The following GMDS variants were observed in gnomAD, a reference collection of about 807,000 sequenced individuals.
The protein encoded by GMDS is GDP-mannose 4,6-dehydratase.
GMDS carries 20 observed loss-of-function variants against 49.9 expected under a neutral mutation model. The observed-to-expected ratio is 0.40, with a 90% CI of 0.28 to 0.58. GMDS has a LOEUF of 0.58. Ranked by LOEUF, GMDS falls within the 20% of genes least tolerant of loss-of-function variation. GMDS has a pLI of 0.42. For synonymous variants in GMDS, 177 were observed against 178.6 expected (o/e 0.99, Z 0.07); for missense variants, 362 against 481.4 (o/e 0.75, Z 2.32).
chr6:1,756,408 C>T (rs12528812), intron 7 of GMDS, among the ~76,000 whole-genome samples: 49,757 of 151,784 alleles, frequency 0.33, 9,595 homozygotes, highest in Non-Finnish European at 0.45. Flanking sequence ...GAATTACAGG[C>T]ACCTACCACC....
chr6:1,802,418 G>A (rs1769988243), intron 7 of GMDS, among the ~76,000 whole-genome samples: 1 of 152,220 alleles, frequency 6.6e-6, no homozygotes. Flanking sequence ...AAGGCAGGAA[G>A]TATATTTAAA....
intron 1 of GMDS, among the ~76,000 whole-genome samples, chr6:2,186,914 T>TA (rs1491313311): frequency 3.3e-5 from 5 of 152,268 alleles, no homozygotes; most frequent in African/African-American, 7.2e-5. Context: ...GGATAAGCTT[T>TA]ATACTTTCGA....
chr6:2,047,422 A>C (rs1190246366), intron 4 of GMDS, among the ~76,000 whole-genome samples: 1 of 152,244 alleles, frequency 6.6e-6, no homozygotes, highest in African/African-American at 2.4e-5. Flanking sequence ...TTAGTACGGA[A>C]TTCCTCCTGA....
chr6:1,887,450 G>C (rs921811853), intron 7 of GMDS, among the ~76,000 whole-genome samples: 1 of 149,908 alleles, frequency 6.7e-6, no homozygotes, highest in Non-Finnish European at 1.5e-5. Flanking sequence ...ATTTATGTTC[G>C]GCTACCTCCA....
chr6:2,014,502 A>G (rs530637687), intron 4 of GMDS, among the ~76,000 whole-genome samples: 1 of 152,178 alleles, frequency 6.6e-6, no homozygotes, highest in Admixed American at 6.5e-5. Flanking sequence ...CCGTTATTTA[A>G]AAGTGAATTT....
intron 4 of GMDS, among the ~76,000 whole-genome samples, chr6:2,058,338 C>CAAAA (rs11390421): frequency 2.2e-5 from 2 of 90,312 alleles, no homozygotes; most frequent in South Asian, 3.7e-4. Context: ...GAGTAAGACT[C>CAAAA]AAAAAAAAAA....
rs1200825379 is a variant in GMDS at position 1,736,186 on chromosome 6, CAA to C, written c.890+6280_890+6281del. ...TTAGATCTTGCAGGTGCCAATAATT[CAA>C]AAGTCTGTTGCTCCAACAAAGGCAC... is the stretch of plus-strand genomic sequence containing the variant. On this transcript the variant is annotated intron_variant, in intron 8 of 10. Coordinates refer to ENST00000380815, the MANE Select transcript of GMDS (RefSeq NM_001500.4). Among the ~76,000 whole-genome samples, 5 of 152,122 alleles carry C rather than the reference CAA, an allele frequency of 3.3e-5. No homozygotes were observed. The East Asian group carries it at 7.7e-4, about 23-fold the overall frequency.
At chr6:2,128,176 C>CTT (rs142248059) in intron 1 of GMDS, among the ~76,000 whole-genome samples, 7 of 139,802 alleles carry the variant, frequency 5.0e-5, no homozygotes, top group Non-Finnish European at 7.9e-5. Context: ...AAATATTTTC[C>CTT]TTTTTTTTTT....
At chr6:1,666,378 T>G (rs1764240317) in intron 9 of GMDS, among the ~76,000 whole-genome samples, 1 of 152,142 alleles carries the variant, frequency 6.6e-6, no homozygotes, top group African/African-American at 2.4e-5. Flanking sequence ...ATATTTCTTA[T>G]TTATGGAGGA....
At position 1,759,479 on chromosome 6, in the gene GMDS, A is replaced by G. The variant is rs1033538591; in HGVS notation, c.772-16893T>C. 4.6e-5 allele frequency among the ~76,000 whole-genome samples: 7 copies of G among 152,148 alleles called. No homozygotes were observed. The East Asian group carries it at 1.4e-3, about 29-fold the overall frequency. On this transcript the variant is annotated intron_variant, in intron 7 of 10. Transcript: ENST00000380815. ...CTCCTAATGGCTGTGTGTAGAATAC[A>G]TTTTCTTGTTGAAACTCAATTCTAC...
Position 2,079,019 on chromosome 6 carries a change from C to CTTTTTTTTT in GMDS, c.345+36743_345+36751dup, listed in dbSNP as rs386405902. On this transcript the variant is annotated intron_variant, in intron 4 of 10. Transcript: ENST00000380815. Reference sequence around the variant, plus strand: ...CTTTGTCATTGCATAATGACCTTGTCTTTTTTTTTTTTTTTTTTTTTTTTT... The same window carrying CTTTTTTTTT: ...CTTTGTCATTGCATAATGACCTTGTCTTTTTTTTTTTTTTTTTTTTTTTTTTTTTTTTTT... 6.3e-3 allele frequency among the ~76,000 whole-genome samples: 215 copies of CTTTTTTTTT among 33,966 alleles called. 36 individuals carry two copies. Among genetic ancestry groups the CTTTTTTTTT allele is most frequent in the Non-Finnish European group, 0.011 (151 of 14,184 alleles). 22.3% of individuals were successfully genotyped at this position (33,966 alleles called of 152,430 possible).
intron 4 of GMDS, among the ~76,000 whole-genome samples, chr6:1,999,134 C>A (rs1437154719): frequency 2.0e-5 from 3 of 151,874 alleles, no homozygotes; most frequent in African/African-American, 7.3e-5. Flanking sequence ...CCAGCCTGGC[C>A]AACATGGTGA....
intron 9 of GMDS, among the ~76,000 whole-genome samples, chr6:1,686,876 T>A (rs1392229386): frequency 6.6e-6 from 1 of 152,200 alleles, no homozygotes; most frequent in African/African-American, 2.4e-5. Flanking sequence ...TTGGAGGCAA[T>A]ACAATTTTTT....
intron 1 of GMDS, among the ~76,000 whole-genome samples, chr6:2,192,558 T>C (rs1561645543): frequency 1.3e-5 from 2 of 152,186 alleles, no homozygotes; most frequent in Admixed American, 1.3e-4. Context: ...TGTGACTCCT[T>C]CTTTGGGGCC....
At chr6:1,791,276 G>A (rs1769532307) in intron 7 of GMDS, among the ~76,000 whole-genome samples, 1 of 152,136 alleles carries the variant, frequency 6.6e-6, no homozygotes, top group Non-Finnish European at 1.5e-5. Context: ...ACCTTGTACT[G>A]GGCGCTTAAA....
chr6:2,203,530 C>T (rs1249734183), intron 1 of GMDS, among the ~76,000 whole-genome samples: 1 of 151,956 alleles, frequency 6.6e-6, no homozygotes, highest in Non-Finnish European at 1.5e-5. Context: ...AGTAGGCCCA[C>T]TGTGGAAGCA....
At chr6:1,834,568 ATG>A (rs1210395083) in intron 7 of GMDS, among the ~76,000 whole-genome samples, 2 of 152,314 alleles carry the variant, frequency 1.3e-5, no homozygotes, top group Non-Finnish European at 2.9e-5. Flanking sequence ...CATCAGAAGT[ATG>A]TTAAGCTTTT....
At chr6:1,920,107 C>G (rs552038137) in intron 7 of GMDS, among the ~76,000 whole-genome samples, 4 of 152,182 alleles carry the variant, frequency 2.6e-5, no homozygotes, top group Admixed American at 2.6e-4. Flanking sequence ...ATGAAGTGAA[C>G]GGGGCTGAAA....
Position 2,036,096 on chromosome 6 carries a change from G to A in GMDS, c.346-75130C>T, listed in dbSNP as rs552490820. ...TTGCACCTCTAAGAATTAGATGACA[G>A]TGTTCTCCTTTCACCTAACTTTAAT... is the stretch of plus-strand genomic sequence containing the variant. On this transcript the variant is annotated intron_variant, in intron 4 of 10. Transcript: ENST00000380815. 1.2e-4 allele frequency among the ~76,000 whole-genome samples: 18 copies of A among 152,322 alleles called. No homozygotes were observed. The South Asian group carries it at 3.7e-3, about 32-fold the overall frequency.
Sources: gnomAD v4.1 joint callset for allele counts (sites outside exome capture counted in the v4.1 genomes callset) on GRCh38, gnomAD v4.1.1 for gene constraint, MANE v1.5 for transcripts, NCBI Gene and HGNC (gene_info 2026-07-23, HGNC 2026-07-21) for gene names.